Variants in TTC29 observed in about 807,000 individuals in gnomAD.
TTC29 encodes the protein tetratricopeptide repeat protein 29.
Under a neutral mutation model 58.1 loss-of-function variants are expected in TTC29, and 49 were observed. The ratio of observed to expected loss-of-function variants is 0.84; its 90% CI spans 0.67 to 1.07. The LOEUF is 1.07. Among genes scored for constraint, TTC29 ranks in the 50% least tolerant of loss-of-function variants. The pLI is 0.00. For missense variants in TTC29, 582 were observed against 555.6 expected, an observed-to-expected ratio of 1.05 and a Z score of -0.48; for synonymous variants, 209 against 196.8, an observed-to-expected ratio of 1.06 and a Z score of -0.52.
intron 7 of TTC29, among the ~76,000 whole-genome samples, chr4:146,873,527 C>T (rs1345400764): frequency 6.6e-6 from 1 of 152,154 alleles, no homozygotes; most frequent in Middle Eastern, 3.2e-3. Flanking sequence ...TACCTTAAAA[C>T]TTAGCAAATG....
At chr4:146,850,100 G>A (rs1332007808) in intron 8 of TTC29, among the ~76,000 whole-genome samples, 1 of 152,198 alleles carries the variant, frequency 6.6e-6, no homozygotes. Flanking sequence ...AGGTCCACAA[G>A]GACAAAGATG....
intron 11 of TTC29, among the ~76,000 whole-genome samples, chr4:146,792,871 G>T (rs76195812): frequency 6.6e-6 from 1 of 152,236 alleles, no homozygotes; most frequent in African/African-American, 2.4e-5. Context: ...GAATTTGGAA[G>T]AAGTTGATTG....
intron 6 of TTC29, among the ~76,000 whole-genome samples, chr4:146,892,572 G>A (rs921059322): frequency 6.6e-6 from 1 of 152,116 alleles, no homozygotes; most frequent in Admixed American, 6.6e-5. Flanking sequence ...CCCACAGCCA[G>A]TATCATACTG....
chr4:146,714,862 G>A (rs573812420), intron 11 of TTC29, among the ~76,000 whole-genome samples: 2 of 152,270 alleles, frequency 1.3e-5, no homozygotes, highest in South Asian at 2.1e-4. Flanking sequence ...ATGGAAGGAT[G>A]TAATTGTAAA....
chr4:146,813,782 G>A (rs907278173), intron 10 of TTC29, among the ~76,000 whole-genome samples: 25 of 152,114 alleles, frequency 1.6e-4, no homozygotes, highest in Non-Finnish European at 2.4e-4. Context: ...GCAGGAGTTC[G>A]AGACGAACCT....
intron 6 of TTC29, among the ~76,000 whole-genome samples, chr4:146,890,775 G>T (rs1732300095): frequency 6.6e-6 from 1 of 152,206 alleles, no homozygotes; most frequent in African/African-American, 2.4e-5. Flanking sequence ...CACTGGGTTT[G>T]CTCCAGAAGC....
intron 11 of TTC29, among the ~76,000 whole-genome samples, chr4:146,731,516 T>C (rs1744333834): frequency 6.6e-6 from 1 of 152,050 alleles, no homozygotes; most frequent in South Asian, 2.1e-4. Context: ...TTAGCTAGTG[T>C]TATGGTTTCA....
At chr4:146,866,338 C>A (rs563797564) in intron 8 of TTC29, among the ~76,000 whole-genome samples, 1 of 152,120 alleles carries the variant, frequency 6.6e-6, no homozygotes, top group Non-Finnish European at 1.5e-5. Flanking sequence ...TGAGTGTGTA[C>A]GCATGTGTGC....
intron 6 of TTC29, among the ~76,000 whole-genome samples, chr4:146,899,890 C>T (rs867974147): frequency 6.6e-5 from 10 of 152,268 alleles, no homozygotes; most frequent in African/African-American, 2.2e-4. Flanking sequence ...ATGAGGGCAC[C>T]CCTGGAATCA....
intron 10 of TTC29, among the ~76,000 whole-genome samples, chr4:146,816,722 G>C (rs1188178707): frequency 6.6e-6 from 1 of 151,832 alleles, no homozygotes; most frequent in African/African-American, 2.4e-5. Context: ...GCAAGAGAGG[G>C]GATGTAAGAC....
rs192936747 is a variant in TTC29 at position 146,750,298 on chromosome 4, C to T, written c.1331-42747G>A. On this transcript the variant is annotated intron_variant, in intron 11 of 12. Coordinates refer to ENST00000325106, the MANE Select transcript of TTC29 (RefSeq NM_031956.4). ...CTGGGATTACAGGCATGAGCCACTG[C>T]GCCCGGCCCTATACCTGCCTTTTAA... 4.4e-3 allele frequency among the ~76,000 whole-genome samples: 666 copies of T among 152,242 alleles called. 7 individuals are homozygous for T. The highest frequency in any genetic ancestry group is 0.015 in the African/African-American group (637 of 41,550).
At chr4:146,761,521 A>G (rs1029688366) in intron 11 of TTC29, among the ~76,000 whole-genome samples, 2 of 151,996 alleles carry the variant, frequency 1.3e-5, no homozygotes, top group Non-Finnish European at 2.9e-5. Flanking sequence ...CACTTTGTAC[A>G]CTGCATGCAT....
At chr4:146,862,871 C>A (rs1176037021) in intron 8 of TTC29, among the ~76,000 whole-genome samples, 2 of 152,096 alleles carry the variant, frequency 1.3e-5, no homozygotes, top group Non-Finnish European at 2.9e-5. Context: ...CACTGTAATC[C>A]CAGCATTTTG....
At chr4:146,715,458 C>G (rs1355266712) in intron 11 of TTC29, among the ~76,000 whole-genome samples, 3 of 152,116 alleles carry the variant, frequency 2.0e-5, no homozygotes, top group African/African-American at 7.2e-5. Flanking sequence ...CTGTCATTTG[C>G]CACCACAGAA....
chr4:146,906,862 C>T (rs1052056714), intron 5 of TTC29, among the ~76,000 whole-genome samples: 2 of 152,234 alleles, frequency 1.3e-5, no homozygotes, highest in Non-Finnish European at 2.9e-5. Context: ...TGGCTTACGC[C>T]TGTAATCCCA....
intron 11 of TTC29, among the ~76,000 whole-genome samples, chr4:146,778,789 A>T (rs535275809): frequency 6.6e-6 from 1 of 152,088 alleles, no homozygotes; most frequent in African/African-American, 2.4e-5. Flanking sequence ...GTATACATGG[A>T]CATACAGAGG....
At chr4:146,883,513 A>G (rs1731774032) in intron 6 of TTC29, among the ~76,000 whole-genome samples, 1 of 152,214 alleles carries the variant, frequency 6.6e-6, no homozygotes, top group South Asian at 2.1e-4. Context: ...CAGTTGAGGC[A>G]CTAATTGGAA....
chr4:146,866,002 C>T lies in TTC29; in HGVS notation c.885+1496G>A, dbSNP rs188683610. On this transcript the variant is annotated intron_variant, in intron 8 of 12. Coordinates refer to ENST00000325106, the MANE Select transcript of TTC29 (RefSeq NM_031956.4). ...GCAGAACAGTGCATATAAAATGCAA[C>T]AATTTTCTAAATAACATAAAGGAAA... Among the ~76,000 whole-genome samples, 1,159 of 152,084 alleles carry T rather than the reference C, an allele frequency of 7.6e-3. 10 individuals are homozygous for T. Among genetic ancestry groups the T allele is most frequent in the Non-Finnish European group, 0.01 (682 of 67,988 alleles).
chr4:146,735,313 G>A (rs951019430), intron 11 of TTC29, among the ~76,000 whole-genome samples: 4 of 152,142 alleles, frequency 2.6e-5, no homozygotes, highest in African/African-American at 9.7e-5. Flanking sequence ...TATGAAGGAA[G>A]TGTTCTATTT....
Sources: gnomAD v4.1 joint callset for allele counts (sites outside exome capture counted in the v4.1 genomes callset) on GRCh38, gnomAD v4.1.1 for gene constraint, MANE v1.5 for transcripts, NCBI Gene and HGNC (gene_info 2026-07-23, HGNC 2026-07-21) for gene names.